ERLIN2: variants seen among roughly 807,000 people sequenced by gnomAD.
ERLIN2 encodes ER lipid raft associated 2.
Under a neutral mutation model 41.5 loss-of-function variants are expected in ERLIN2, and 22 were observed. That is an observed-to-expected ratio of 0.53 (90% confidence interval 0.38 to 0.76). The LOEUF is 0.76. ERLIN2 is among the 30% of genes least tolerant of loss of function. ERLIN2 has a pLI of 0.00. For missense variants in ERLIN2, 247 were observed against 414.3 expected (o/e 0.60, Z 3.51); for synonymous variants, 149 against 150.9 (o/e 0.99, Z 0.09).
intron 6 of ERLIN2, chr8:37,747,903 G>T (rs755355695): frequency 6.2e-7 from 1 of 1,613,990 alleles, no homozygotes; most frequent in South Asian, 1.1e-5. Flanking sequence ...CCACCTGGCC[G>T]CACAAACAGT....
At chr8:37,738,780 G>A (rs1802749079) in intron 2 of ERLIN2, among the ~76,000 whole-genome samples, 1 of 152,112 alleles carries the variant, frequency 6.6e-6, no homozygotes, top group South Asian at 2.1e-4. Flanking sequence ...AGTTATTTGG[G>A]GGGCTGAGGT....
chr8:37,746,294 T>C, intron 6 of ERLIN2: 1 of 985,534 alleles, frequency 1.0e-6, no homozygotes, highest in Non-Finnish European at 1.2e-6. Context: ...CACTTCTTAC[T>C]CTGCCGCATC....
chr8:37,748,076 C>G, intron 6 of ERLIN2: 1 of 1,273,344 alleles, frequency 7.9e-7, no homozygotes, highest in Non-Finnish European at 1.1e-6. Context: ...ACGAGCGCGC[C>G]TTGCGCCTTT....
At position 37,738,056 on chromosome 8, in the gene ERLIN2, C is replaced by T. The variant is rs376645631; in HGVS notation, c.107+27C>T. On this transcript the variant is annotated intron_variant, in intron 2 of 11. Coordinates refer to ENST00000519638, the MANE Select transcript of ERLIN2 (RefSeq NM_007175.8). ...TAAGGCAGAGACAGGGAGAAGCCGG[C>T]AACTTCCTGTTAAATAGCTCCCTTT... The T allele has an allele frequency of 4.3e-6, 7 of 1,613,130 alleles. No individual in the cohort carries two copies. In the Admixed American group the frequency reaches 5.0e-5, roughly 12 times the overall value.
intron 6 of ERLIN2, chr8:37,745,096 GA>G (rs1158458533): frequency 3.7e-6 from 2 of 536,860 alleles, no homozygotes; most frequent in East Asian, 5.9e-5. Flanking sequence ...CCCAAAGCAA[GA>G]AAGTCACAGA....
chr8:37,743,995 A>G (rs1387858995), intron 4 of ERLIN2, among the ~76,000 whole-genome samples: 2 of 152,254 alleles, frequency 1.3e-5, no homozygotes, highest in Non-Finnish European at 2.9e-5. Flanking sequence ...ATAACATTCC[A>G]CAGTAACCTT....
chr8:37,754,153 A>T lies in ERLIN2; in HGVS notation c.*38A>T. ...ATGACTGCAAATGATACTTAAGCAG[A>T]TCTTTATTTTTTAAGATGAATCAGA... On this transcript the variant is annotated 3_prime_UTR_variant, in exon 12 of 12. Coordinates refer to ENST00000519638, the MANE Select transcript of ERLIN2 (RefSeq NM_007175.8). 7.0e-7 allele frequency: 1 copy of T among 1,434,250 alleles called. No homozygotes were observed. Among genetic ancestry groups the T allele is most frequent in the Non-Finnish European group, 9.8e-7 (1 of 1,020,724 alleles). The allele number at this position is 1,434,250 out of a possible 1,614,324, so 88.8% of individuals were successfully genotyped here.
At chr8:37,745,146 T>C (rs915606395) in intron 6 of ERLIN2, 1 of 494,284 alleles carries the variant, frequency 2.0e-6, no homozygotes, top group African/African-American at 1.9e-5. Flanking sequence ...AACAGGAGCC[T>C]TCCTCTCCTG....
At chr8:37,743,560 G>C (rs1291379033) in intron 4 of ERLIN2, among the ~76,000 whole-genome samples, 1 of 152,158 alleles carries the variant, frequency 6.6e-6, no homozygotes, top group East Asian at 1.9e-4. Flanking sequence ...GTCACATTGG[G>C]GGTTAGGGCT....
chr8:37,753,613 C>T lies in ERLIN2; in HGVS notation c.819+84C>T, dbSNP rs897260113. ...GAGAGTTTCCAGTGTTGAGCGCCTG[C>T]CACCACCCAAAGCCCTTCATGGGCA... On this transcript the variant is annotated intron_variant, in intron 11 of 11. Transcript: ENST00000519638. 4.1e-5 allele frequency: 51 copies of T among 1,246,608 alleles called. No individual in the cohort carries two copies. The African/African-American group carries it at 6.9e-4, about 17-fold the overall frequency. 77.2% of individuals were successfully genotyped at this position (1,246,608 alleles called of 1,614,324 possible). A position where few individuals can be genotyped will look rare whatever the true frequency, so the allele number is the denominator to read the frequency against.
chr8:37,751,988 A>G lies in ERLIN2; in HGVS notation c.739+273A>G, dbSNP rs372778246. ...ATTTTGTTAGGCATGAGAAAAAGGA[A>G]GTCCCGTAGACCCTGCTTTCTTGGA... On this transcript the variant is annotated intron_variant, in intron 10 of 11. Coordinates refer to ENST00000519638, the MANE Select transcript of ERLIN2 (RefSeq NM_007175.8). 5.9e-5 allele frequency among the ~76,000 whole-genome samples: 9 copies of G among 152,318 alleles called. No individual in the cohort carries two copies. The East Asian group carries it at 1.5e-3, about 26-fold the overall frequency.
chr8:37,739,378 C>G (rs1174039569), intron 2 of ERLIN2, among the ~76,000 whole-genome samples: 3 of 152,224 alleles, frequency 2.0e-5, no homozygotes, highest in Non-Finnish European at 4.4e-5. Context: ...TGTCATTGGA[C>G]TCCAGCATTA....
At chr8:37,746,487 T>C (rs1803055138) in intron 6 of ERLIN2, 7 of 981,270 alleles carry the variant, frequency 7.1e-6, no homozygotes, top group Non-Finnish European at 8.5e-6. Context: ...TGACATAAAA[T>C]AATACCTATG....
At chr8:37,752,336 A>C (rs1249841802) in intron 10 of ERLIN2, among the ~76,000 whole-genome samples, 1 of 152,156 alleles carries the variant, frequency 6.6e-6, no homozygotes, top group African/African-American at 2.4e-5. Flanking sequence ...GCAAATTCCA[A>C]GGCACAACTG....
chr8:37,749,605 C>G lies in ERLIN2; in HGVS notation c.471C>G (p.Thr157=). The change falls in exon 7 of 12, where the codon ACC becomes ACG. Residue 157 remains threonine, a synonymous_variant. Transcript: ENST00000519638. ...AACTGGCTTTGCAACAGGACCTGAC[C>G]TCCATGGCCCCTGGGCTGGTCATTC... ...NLKLALQQDL[T]SMAPGLVIQA... is the part of the protein sequence containing the mutation. 1 of 1,613,786 alleles carries G rather than the reference C, an allele frequency of 6.2e-7. No individual in the cohort carries two copies. The highest frequency in any genetic ancestry group is 8.5e-7 in the Non-Finnish European group (1 of 1,179,632).
intron 6 of ERLIN2, chr8:37,746,369 G>T (rs1803049631): frequency 2.0e-6 from 2 of 985,038 alleles, no homozygotes; most frequent in African/African-American, 1.7e-5. Flanking sequence ...ACCTCTTTGT[G>T]TGTACTTAGT....
chr8:37,737,775 G>A (rs1462564027), intron 1 of ERLIN2, 133 bp from the exon 2 acceptor site: 9 of 1,000,218 alleles, frequency 9.0e-6, no homozygotes, highest in Non-Finnish European at 1.2e-5. Context: ...TGTAGATCTA[G>A]CCTTGTGTTC....
chr8:37,739,138 A>C (rs911134349), intron 2 of ERLIN2, among the ~76,000 whole-genome samples: 2 of 152,078 alleles, frequency 1.3e-5, no homozygotes, highest in Non-Finnish European at 2.9e-5. Flanking sequence ...AACTCTTCTT[A>C]TATGTGCTGT....
At chr8:37,742,952 A>G (rs1802905724) in intron 4 of ERLIN2, among the ~76,000 whole-genome samples, 1 of 152,216 alleles carries the variant, frequency 6.6e-6, no homozygotes, top group Admixed American at 6.5e-5. Flanking sequence ...GGTAGGGGAG[A>G]CCTTCAGGGC....
Sources: allele counts gnomAD v4.1 joint callset (sites outside exome capture counted in the v4.1 genomes callset), GRCh38; gene constraint gnomAD v4.1.1; transcripts MANE v1.5; gene names NCBI Gene and HGNC (gene_info 2026-07-23, HGNC 2026-07-21).